GLIS3: variants seen among roughly 807,000 people sequenced by gnomAD.
The protein encoded by GLIS3 is GLIS family zinc finger 3, also known as zinc finger protein GLIS3.
In GLIS3, 53 loss-of-function variants were observed where a neutral mutation model predicts 78.6. That is an observed-to-expected ratio of 0.67 (90% CI 0.54 to 0.85). The LOEUF is 0.85. Ranked by LOEUF, GLIS3 falls within the 40% of genes least tolerant of loss-of-function variation. The pLI is 0.00. For synonymous variants in GLIS3, 684 were observed against 509.9 expected, an observed-to-expected ratio of 1.34 and a Z score of -4.60; for missense variants, 1,703 against 1,231.1, an observed-to-expected ratio of 1.38 and a Z score of -5.74.
chr9:4,018,149 G>C (rs898446702), intron 4 of GLIS3, among the ~76,000 whole-genome samples: 2 of 152,194 alleles, frequency 1.3e-5, no homozygotes, highest in Admixed American at 1.3e-4. Context: ...TGAAAAGGAA[G>C]GCAGGAAGAA....
chr9:4,342,163 T>C (rs916724238), intron 2 of GLIS3, among the ~76,000 whole-genome samples: 2 of 152,228 alleles, frequency 1.3e-5, no homozygotes, highest in Non-Finnish European at 2.9e-5. Flanking sequence ...AAATCTTTTG[T>C]CAAGGCCTAT....
At chr9:4,489,084 G>A in the GLIS3 span, among the ~76,000 whole-genome samples, 4 of 151,784 alleles carry the variant, frequency 2.6e-5, no homozygotes, top group African/African-American at 9.7e-5. Flanking sequence ...AGCCAGGATG[G>A]TCTCAATCTC....
chr9:3,901,284 G>A (rs555215758), intron 6 of GLIS3: 9 of 169,860 alleles, frequency 5.3e-5, no homozygotes, highest in East Asian at 1.8e-4. Flanking sequence ...AATTAGGCAC[G>A]CGCTTAACAC....
chr9:3,916,167 T>C (rs1164987128), intron 6 of GLIS3, among the ~76,000 whole-genome samples: 4 of 152,282 alleles, frequency 2.6e-5, no homozygotes, highest in Admixed American at 1.3e-4. Flanking sequence ...CAAGAGTCTG[T>C]TGACAATAGA....
At chr9:4,277,202 C>T (rs1007461097) in intron 2 of GLIS3, among the ~76,000 whole-genome samples, 3 of 152,022 alleles carry the variant, frequency 2.0e-5, no homozygotes, top group African/African-American at 7.2e-5. Flanking sequence ...TGTTGTTTTC[C>T]CAGAGATAAA....
the GLIS3 span, among the ~76,000 whole-genome samples, chr9:4,423,874 T>TAA: frequency 0.16 from 24,792 of 152,150 alleles, 2,240 homozygotes; most frequent in Middle Eastern, 0.23. Flanking sequence ...GCATCTCTTA[T>TAA]AAAACATTGC....
At chr9:4,074,843 T>C (rs1034928925) in intron 4 of GLIS3, among the ~76,000 whole-genome samples, 1 of 152,236 alleles carries the variant, frequency 6.6e-6, no homozygotes, top group East Asian at 1.9e-4. Context: ...TAGGCATTTT[T>C]ACCAAACTAC....
intron 2 of GLIS3, among the ~76,000 whole-genome samples, chr9:4,202,082 G>T (rs1819446806): frequency 6.6e-6 from 1 of 151,858 alleles, no homozygotes; most frequent in African/African-American, 2.4e-5. Context: ...AGGTTGCAGT[G>T]AGCCAAGGTC....
At chr9:3,916,166 G>C (rs974930106) in intron 6 of GLIS3, among the ~76,000 whole-genome samples, 3 of 152,204 alleles carry the variant, frequency 2.0e-5, no homozygotes, top group Non-Finnish European at 4.4e-5. Flanking sequence ...CCAAGAGTCT[G>C]TTGACAATAG....
chr9:4,075,011 G>A (rs1172467803), intron 4 of GLIS3, among the ~76,000 whole-genome samples: 1 of 152,114 alleles, frequency 6.6e-6, no homozygotes, highest in Non-Finnish European at 1.5e-5. Context: ...GAAGACAACA[G>A]ACGTACTCAC....
intron 9 of GLIS3, among the ~76,000 whole-genome samples, chr9:3,854,990 G>C (rs1430092662): frequency 6.6e-6 from 1 of 152,190 alleles, no homozygotes; most frequent in Non-Finnish European, 1.5e-5. Context: ...CTCATACAGA[G>C]AAAATTCAGG....
At position 3,829,370 on chromosome 9, in the gene GLIS3, T is replaced by C; in HGVS notation, c.2596A>G (p.Met866Val). ...AAAACATCAAAACTGGCCTGGCCCATGGATGTAGGGACTAGGCAGTCCTCA... is the reference window on the plus strand; with the variant it reads ...AAAACATCAAAACTGGCCTGGCCCACGGATGTAGGGACTAGGCAGTCCTCA... The part of the protein sequence containing the change: ...SFEDCLVPTS[M>V]GQASFDVFHR... Residue 866 changes from methionine (M) to valine (V), a missense_variant, in exon 10 of 11, where the codon ATG becomes GTG. Physicochemically the swap from Met to Val is conservative, Grantham distance 21. Coordinates refer to ENST00000381971, the MANE Select transcript of GLIS3 (RefSeq NM_001042413.2). The C allele has an allele frequency of 1.2e-6, 2 of 1,614,016 alleles. No individual in the cohort carries two copies. Among genetic ancestry groups the C allele is most frequent in the Non-Finnish European group, 1.7e-6 (2 of 1,179,980 alleles).
chr9:4,289,521 C>G (rs1022459053), intron 1 of GLIS3, among the ~76,000 whole-genome samples: 17 of 152,110 alleles, frequency 1.1e-4, no homozygotes, highest in Admixed American at 1.0e-3. Flanking sequence ...GGTAAAATCA[C>G]AACTAATCAC....
chr9:4,423,759 G>A, the GLIS3 span, among the ~76,000 whole-genome samples: 2 of 152,112 alleles, frequency 1.3e-5, no homozygotes, highest in African/African-American at 2.4e-5. Flanking sequence ...GCTTCTATCA[G>A]GCTATCTTTC....
intron 2 of GLIS3, among the ~76,000 whole-genome samples, chr9:4,209,509 T>C (rs950658633): frequency 1.3e-4 from 20 of 152,184 alleles, no homozygotes; most frequent in African/African-American, 4.8e-4. Context: ...CTTTTCCCAA[T>C]AGAAACTTCA....
At chr9:3,830,699 C>A (rs1020755073) in intron 9 of GLIS3, among the ~76,000 whole-genome samples, 1 of 152,142 alleles carries the variant, frequency 6.6e-6, no homozygotes, top group African/African-American at 2.4e-5. Flanking sequence ...GACTTTGGAC[C>A]CTTATTCCTG....
At chr9:3,917,225 A>C (rs1257874296) in intron 6 of GLIS3, among the ~76,000 whole-genome samples, 4 of 152,224 alleles carry the variant, frequency 2.6e-5, no homozygotes, top group Non-Finnish European at 5.9e-5. Context: ...ATTGCTTTGT[A>C]CCCAAGTTGC....
intron 6 of GLIS3, among the ~76,000 whole-genome samples, chr9:3,915,562 T>A (rs900585971): frequency 5.3e-5 from 8 of 152,174 alleles, no homozygotes; most frequent in African/African-American, 1.9e-4. Context: ...TGCCCTGTTA[T>A]CTGCAGGTTT....
intron 2 of GLIS3, among the ~76,000 whole-genome samples, chr9:4,247,066 A>G (rs1017384015): frequency 1.3e-5 from 2 of 152,208 alleles, no homozygotes; most frequent in Non-Finnish European, 2.9e-5. Flanking sequence ...TTTAAAATCC[A>G]TGGATGGCTT....
Sources: allele counts gnomAD v4.1 joint callset (sites outside exome capture counted in the v4.1 genomes callset), GRCh38; gene constraint gnomAD v4.1.1; transcripts MANE v1.5; gene names NCBI Gene and HGNC (gene_info 2026-07-23, HGNC 2026-07-21).